The following IL1RAPL2 variants were observed in gnomAD, a reference collection of about 807,000 sequenced individuals.
IL1RAPL2 encodes the protein interleukin 1 receptor accessory protein like 2.
In IL1RAPL2, 3 loss-of-function variants were observed where a neutral mutation model predicts 44.1. The observed-to-expected ratio is 0.07, with a 90% CI of 0.03 to 0.18. IL1RAPL2 has a LOEUF of 0.18. Among genes scored for constraint, IL1RAPL2 ranks in the 10% least tolerant of loss-of-function variants. The pLI is 1.00. For synonymous variants in IL1RAPL2, 181 were observed against 178.8 expected (o/e 1.01, Z -0.10); for missense variants, 391 against 496.4 (o/e 0.79, Z 2.02).
intron 2 of IL1RAPL2, among the ~76,000 whole-genome samples, chrX:104,903,035 A>G (rs1312491342): frequency 9.0e-6 from 1 of 111,666 alleles, no homozygotes; most frequent in African/African-American, 3.3e-5. Context: ...AATACTGTTC[A>G]GCAAGCTTAT....
intron 1 of IL1RAPL2, among the ~76,000 whole-genome samples, chrX:104,635,538 G>T (rs1462403440): frequency 9.0e-6 from 1 of 111,503 alleles, no homozygotes; most frequent in Non-Finnish European, 1.9e-5. Flanking sequence ...GGCTTTGTTT[G>T]TTTCTTTTTA....
At chrX:105,380,176 A>G (rs2035418932) in intron 5 of IL1RAPL2, among the ~76,000 whole-genome samples, 1 of 111,804 alleles carries the variant, frequency 8.9e-6, no homozygotes, top group Non-Finnish European at 1.9e-5. Flanking sequence ...GCAGCTATAT[A>G]TGCCTTTGAT....
At chrX:104,578,062 C>T (rs775928303) in intron 1 of IL1RAPL2, among the ~76,000 whole-genome samples, 1 of 111,318 alleles carries the variant, frequency 9.0e-6, no homozygotes, top group South Asian at 3.9e-4. Context: ...ATGTATATTT[C>T]CTAACTTTGT....
At chrX:104,669,454 G>C (rs1194329835) in intron 2 of IL1RAPL2, among the ~76,000 whole-genome samples, 1 of 110,257 alleles carries the variant, frequency 9.1e-6, no homozygotes, top group Non-Finnish European at 1.9e-5. Flanking sequence ...TTTTCTCCTT[G>C]TTACTCTTTT....
chrX:104,954,195 A>G (rs1453107803), intron 2 of IL1RAPL2, among the ~76,000 whole-genome samples: 1 of 112,740 alleles, frequency 8.9e-6, no homozygotes, highest in East Asian at 2.8e-4. Context: ...TATGTTTTAC[A>G]GAGCAGACAT....
At position 104,637,511 on chromosome X, in the gene IL1RAPL2, G is replaced by GT. The variant is rs941213890; in HGVS notation, c.-19-21372dup. 9.2e-3 allele frequency among the ~76,000 whole-genome samples: 936 copies of GT among 102,025 alleles called. 3 individuals are homozygous for GT. Among genetic ancestry groups the GT allele is most frequent in the African/African-American group, 0.022 (611 of 28,408 alleles). 88.6% of individuals were successfully genotyped at this position (102,025 alleles called of 115,157 possible). A position where few individuals can be genotyped will look rare whatever the true frequency, so the allele number is the denominator to read the frequency against. On this transcript the variant is annotated intron_variant, in intron 1 of 10. Coordinates refer to ENST00000372582, the MANE Select transcript of IL1RAPL2 (RefSeq NM_017416.2). Reference sequence around the variant, plus strand: ...TTCTTCTGTACCTGGTTTGTTGAGAGTTTTTTTTTTTTATCATGAAGGGAT... The same window carrying GT: ...TTCTTCTGTACCTGGTTTGTTGAGAGTTTTTTTTTTTTTATCATGAAGGGAT...
chrX:105,059,629 C>G (rs753350268), intron 2 of IL1RAPL2, among the ~76,000 whole-genome samples: 5 of 111,247 alleles, frequency 4.5e-5, no homozygotes, highest in Non-Finnish European at 9.4e-5. Flanking sequence ...CTCCCGGGTT[C>G]AAGTGATTAT....
At chrX:105,482,417 A>G (rs767415062) in intron 5 of IL1RAPL2, among the ~76,000 whole-genome samples, 11 of 111,938 alleles carry the variant, frequency 9.8e-5, no homozygotes, top group African/African-American at 3.2e-4. Context: ...AATTATGCCA[A>G]AGTCAATTAA....
chrX:105,153,582 G>A (rs1019696407), intron 2 of IL1RAPL2, among the ~76,000 whole-genome samples: 11 of 112,063 alleles, frequency 9.8e-5, no homozygotes, highest in African/African-American at 3.6e-4. Context: ...ATGTGTCCAA[G>A]GTGGTTGGGT....
At chrX:104,604,637 A>G (rs1384124912) in intron 1 of IL1RAPL2, among the ~76,000 whole-genome samples, 2 of 104,334 alleles carry the variant, frequency 1.9e-5, no homozygotes, top group African/African-American at 7.1e-5. Context: ...GCATAGCAAA[A>G]AAAAAAAAAA....
intron 2 of IL1RAPL2, among the ~76,000 whole-genome samples, chrX:105,014,731 T>A (rs763959041): frequency 4.4e-5 from 5 of 112,665 alleles, no homozygotes; most frequent in African/African-American, 9.7e-5. Context: ...GCATTTGGGT[T>A]GGTTCCAAGT....
intron 2 of IL1RAPL2, among the ~76,000 whole-genome samples, chrX:104,989,261 C>T (rs1352322802): frequency 9.0e-6 from 1 of 111,347 alleles, no homozygotes; most frequent in African/African-American, 3.3e-5. Flanking sequence ...TATCATTATG[C>T]TTTTCCCTAC....
At chrX:105,265,748 GA>G (rs1029512779) in intron 4 of IL1RAPL2, among the ~76,000 whole-genome samples, 1 of 104,384 alleles carries the variant, frequency 9.6e-6, no homozygotes, top group Non-Finnish European at 1.9e-5. Flanking sequence ...AAAATGTTAT[GA>G]AAAAAATGGG....
chrX:105,174,983 G>T (rs771938398), intron 2 of IL1RAPL2, among the ~76,000 whole-genome samples: 5 of 111,863 alleles, frequency 4.5e-5, no homozygotes, highest in African/African-American at 1.6e-4. Context: ...CTGGTTGTGG[G>T]ACCTCAAGCA....
intron 1 of IL1RAPL2, among the ~76,000 whole-genome samples, chrX:104,578,262 A>C (rs758478785): frequency 8.9e-6 from 1 of 112,275 alleles, no homozygotes; most frequent in Admixed American, 9.4e-5. Context: ...GAAAGTAAGA[A>C]GTGCTCAAAC....
intron 2 of IL1RAPL2, among the ~76,000 whole-genome samples, chrX:104,891,325 A>G (rs1420494814): frequency 1.8e-5 from 2 of 111,999 alleles, no homozygotes; most frequent in African/African-American, 6.5e-5. Flanking sequence ...GTTTTTTCCA[A>G]TTTTGTGAAG....
intron 2 of IL1RAPL2, among the ~76,000 whole-genome samples, chrX:105,019,808 C>A (rs866743644): frequency 9.0e-6 from 1 of 111,337 alleles, no homozygotes; most frequent in South Asian, 3.7e-4. Context: ...AATTTAAAAT[C>A]TCTCTAACTC....
chrX:105,568,692 A>G (rs140642353), intron 6 of IL1RAPL2, among the ~76,000 whole-genome samples: 115 of 112,256 alleles, frequency 1.0e-3, no homozygotes, highest in Admixed American at 2.1e-3. Context: ...TCCTTGTTAA[A>G]CTCTTCATCC....
chrX:105,026,295 T>C (rs1375232294), intron 2 of IL1RAPL2, among the ~76,000 whole-genome samples: 4 of 111,025 alleles, frequency 3.6e-5, no homozygotes, highest in African/African-American at 1.3e-4. Context: ...ATTTGCATTA[T>C]ATTTACTGGT....
Sources: gnomAD v4.1 joint callset for allele counts (sites outside exome capture counted in the v4.1 genomes callset) on GRCh38, gnomAD v4.1.1 for gene constraint, MANE v1.5 for transcripts, NCBI Gene and HGNC (gene_info 2026-07-23, HGNC 2026-07-21) for gene names.